NSF: variants seen among roughly 807,000 people sequenced by gnomAD.
NSF encodes vesicle-fusing ATPase.
In NSF, 14 loss-of-function variants were observed where a neutral mutation model predicts 50.3. The ratio of observed to expected loss-of-function variants is 0.28; its 90% confidence interval spans 0.18 to 0.44. The LOEUF (loss-of-function observed/expected upper bound fraction) is 0.44. NSF is among the 20% of genes least tolerant of loss of function. The probability of loss-of-function intolerance (pLI) is 1.00; values close to 1 mark genes in which losing one functional copy is unlikely to be tolerated. For missense variants in NSF, 218 were observed against 504.3 expected, an observed-to-expected ratio of 0.43 and a Z score of 5.44; for synonymous variants, 109 against 175.7, an observed-to-expected ratio of 0.62 and a Z score of 3.00.
chr17:46,735,574 ATAATTCC>A (rs2058994342), intron 17 of NSF, among the ~76,000 whole-genome samples: 1 of 152,254 alleles, frequency 6.6e-6, no homozygotes, highest in Admixed American at 6.5e-5. Context: ...TAAAATAGAG[ATAATTCC>A]TCATGTGTTA....
intron 17 of NSF, among the ~76,000 whole-genome samples, chr17:46,749,342 C>CT (rs1289545671): frequency 6.6e-6 from 1 of 152,160 alleles, no homozygotes; most frequent in African/African-American, 2.4e-5. Flanking sequence ...TAAATATAAA[C>CT]TCTTATTACC....
intron 13 of NSF, among the ~76,000 whole-genome samples, chr17:46,707,378 T>G (rs2058667300): frequency 1.3e-5 from 2 of 152,222 alleles, no homozygotes; most frequent in Non-Finnish European, 2.9e-5. Flanking sequence ...TTGTATTGTG[T>G]TAAAATACAT....
intron 4 of NSF, among the ~76,000 whole-genome samples, chr17:46,637,101 GCCTCGGCCTC>G (rs1208847578): frequency 2.3e-5 from 3 of 128,306 alleles, no homozygotes; most frequent in Admixed American, 1.6e-4. Flanking sequence ...TGATCCGCCC[GCCTCGGCCTC>G]CCAGCGTGCT....
intron 17 of NSF, among the ~76,000 whole-genome samples, chr17:46,737,807 T>G (rs1215224377): frequency 6.6e-6 from 1 of 151,694 alleles, no homozygotes; most frequent in Non-Finnish European, 1.5e-5. Flanking sequence ...GAAAGATGAG[T>G]AAAAGGGAGA....
chr17:46,599,967 T>A (rs981480239), intron 1 of NSF, among the ~76,000 whole-genome samples: 1 of 110,786 alleles, frequency 9.0e-6, no homozygotes, highest in African/African-American at 4.1e-5. Flanking sequence ...TATTTAAAAA[T>A]TTTTTTTAGA....
At chr17:46,605,715 T>TAA (rs528349065) in intron 1 of NSF, among the ~76,000 whole-genome samples, 3 of 35,998 alleles carry the variant, frequency 8.3e-5, no homozygotes, top group Non-Finnish European at 1.6e-4. Flanking sequence ...TCCTGAAGGC[T>TAA]AAAAAAAAAA....
intron 13 of NSF, among the ~76,000 whole-genome samples, chr17:46,710,250 A>G (rs2058706078): frequency 6.6e-6 from 1 of 152,218 alleles, no homozygotes; most frequent in Non-Finnish European, 1.5e-5. Flanking sequence ...TGTAAATACT[A>G]AAGTTATTGA....
intron 15 of NSF, among the ~76,000 whole-genome samples, chr17:46,726,072 C>A (rs183324461): frequency 3.9e-5 from 6 of 152,242 alleles, no homozygotes; most frequent in African/African-American, 1.4e-4. Context: ...ACCTTTAATT[C>A]TTTTGTAAGC....
At chr17:46,726,350 A>G (rs1330023064) in intron 15 of NSF, among the ~76,000 whole-genome samples, 199 bp from the exon 16 acceptor site, 1 of 152,242 alleles carries the variant, frequency 6.6e-6, no homozygotes, top group Non-Finnish European at 1.5e-5. Flanking sequence ...TGACACACAC[A>G]GCTGTTAGTG....
intron 13 of NSF, among the ~76,000 whole-genome samples, chr17:46,707,328 G>C (rs1181259311): frequency 6.6e-6 from 1 of 152,090 alleles, no homozygotes; most frequent in Non-Finnish European, 1.5e-5. Flanking sequence ...CTGCTTATTT[G>C]ATTGATACAA....
At chr17:46,729,215 A>G (rs1007014791) in intron 17 of NSF, among the ~76,000 whole-genome samples, 1 of 152,158 alleles carries the variant, frequency 6.6e-6, no homozygotes, top group African/African-American at 2.4e-5. Flanking sequence ...CCACCATATT[A>G]CATATCCCTA....
At chr17:46,729,418 C>T (rs1439431949) in intron 17 of NSF, among the ~76,000 whole-genome samples, 1 of 152,108 alleles carries the variant, frequency 6.6e-6, no homozygotes, top group Non-Finnish European at 1.5e-5. Flanking sequence ...GGTCATGTGG[C>T]ACTTTTGAGG....
chr17:46,755,532 T>A, intron 20 of NSF, 163 bp downstream of exon 20: 1 of 721,772 alleles, frequency 1.4e-6, no homozygotes, highest in East Asian at 2.7e-5. Flanking sequence ...TTGGTTGTAC[T>A]GTTGGTTTGC....
intron 19 of NSF, among the ~76,000 whole-genome samples, chr17:46,751,881 A>C (rs929409244): frequency 1.3e-5 from 2 of 152,236 alleles, no homozygotes; most frequent in African/African-American, 4.8e-5. Flanking sequence ...GAACTAGAAA[A>C]GACTTCAAAG....
chr17:46,606,136 G>A (rs1353843632), intron 1 of NSF, among the ~76,000 whole-genome samples: 2 of 32,154 alleles, frequency 6.2e-5, no homozygotes, highest in African/African-American at 3.6e-4. Flanking sequence ...CCGAAATCAC[G>A]CCATTGCACT....
chr17:46,738,813 A>G (rs1457980918), intron 17 of NSF, among the ~76,000 whole-genome samples: 1 of 152,282 alleles, frequency 6.6e-6, no homozygotes, highest in Non-Finnish European at 1.5e-5. Flanking sequence ...TAAGAGAACT[A>G]AACTGTGGTT....
At chr17:46,703,794 A>C (rs1275650131) in intron 12 of NSF, among the ~76,000 whole-genome samples, 1 of 147,624 alleles carries the variant, frequency 6.8e-6, no homozygotes, top group African/African-American at 2.5e-5. Flanking sequence ...TTGTGCAACC[A>C]TCACTACCAT....
At chr17:46,612,303 T>C (rs2058024703) in intron 1 of NSF, among the ~76,000 whole-genome samples, 2 of 56,162 alleles carry the variant, frequency 3.6e-5, no homozygotes, top group Non-Finnish European at 6.3e-5. Flanking sequence ...TGTAAAATGA[T>C]GCAGCTACTG....
intron 14 of NSF, among the ~76,000 whole-genome samples, chr17:46,713,581 CTG>C (rs970017413): frequency 6.6e-6 from 1 of 152,124 alleles, no homozygotes; most frequent in Non-Finnish European, 1.5e-5. Flanking sequence ...CCCTTACACT[CTG>C]TATATTTTGC....
Sources: gnomAD v4.1 joint callset for allele counts (sites outside exome capture counted in the v4.1 genomes callset) on GRCh38, gnomAD v4.1.1 for gene constraint, MANE v1.5 for transcripts, NCBI Gene and HGNC (gene_info 2026-07-23, HGNC 2026-07-21) for gene names.